Variants in SPTY2D1 observed in about 807,000 individuals in gnomAD.
SPTY2D1 encodes protein SPT2 homolog.
A neutral mutation model predicts 64.0 loss-of-function variants in SPTY2D1; 21 were observed. The observed-to-expected ratio is 0.33, with a 90% confidence interval of 0.23 to 0.47. The LOEUF is 0.47. Among genes scored for constraint, SPTY2D1 ranks in the 20% least tolerant of loss-of-function variants. SPTY2D1 has a pLI of 1.00. For synonymous variants in SPTY2D1, 287 were observed against 286.8 expected (o/e 1.00, Z -0.01); for missense variants, 724 against 837.2 (o/e 0.86, Z 1.67).
rs1390610653 is a variant in SPTY2D1 at position 18,607,836 on chromosome 11, G to A, written c.*2025C>T. ...GTTAAAACCTGATTCTTCCCACTAA[G>A]TTCTGGAAATTTATTCTAACATAAT... is the stretch of plus-strand genomic sequence containing the variant. On this transcript the variant is annotated 3_prime_UTR_variant, in exon 6 of 6. Coordinates refer to ENST00000336349, the MANE Select transcript of SPTY2D1 (RefSeq NM_194285.3). 1 of 152,110 alleles carries A rather than the reference G, an allele frequency of 6.6e-6. No individual in the cohort carries two copies. The highest frequency in any genetic ancestry group is 1.5e-5 in the Non-Finnish European group (1 of 68,036). 9.4% of individuals were successfully genotyped at this position (152,110 alleles called of 1,614,324 possible).
chr11:18,631,390 A>G (rs900787729), intron 1 of SPTY2D1, among the ~76,000 whole-genome samples: 1 of 151,926 alleles, frequency 6.6e-6, no homozygotes, highest in African/African-American at 2.4e-5. Context: ...CCCTATCTCT[A>G]CTAAAAATAC....
Position 18,606,758 on chromosome 11 carries a change from C to T in SPTY2D1, c.*3103G>A. On this transcript the variant is annotated 3_prime_UTR_variant, in exon 6 of 6. Coordinates refer to ENST00000336349, the MANE Select transcript of SPTY2D1 (RefSeq NM_194285.3). ...CATGTTTTGGTCTCCTGCTATATCT[C>T]AGAAATTTACCAATAGCTGCTTTTA... The T allele has an allele frequency of 2.6e-6, 1 of 390,322 alleles. No individual in the cohort carries two copies. The allele number at this position is 390,322 out of a possible 1,614,324, so 24.2% of individuals were successfully genotyped here.
chr11:18,614,768 A>G lies in SPTY2D1; in HGVS notation c.1506T>C (p.Ala502=). Residue 502 remains alanine (A), a synonymous_variant, in exon 3 of 6, where the codon GCT becomes GCC. Coordinates refer to ENST00000336349, the MANE Select transcript of SPTY2D1 (RefSeq NM_194285.3). ...GGACTGAATTACTGACAGTCCGTCC[A>G]GCTGGAATTGAGCCACTTATGGATC... ...PGRSISGSIP[A]GRTVSNSVPG... is the part of the protein sequence containing the mutation. 1 of 1,613,036 alleles carries G rather than the reference A, an allele frequency of 6.2e-7. No homozygotes were observed. Among genetic ancestry groups the G allele is most frequent in the African/African-American group, 1.3e-5 (1 of 75,066 alleles).
intron 4 of SPTY2D1, 124 bp from the exon 5 acceptor site, chr11:18,611,678 C>T: frequency 3.6e-6 from 3 of 827,074 alleles, no homozygotes; most frequent in Middle Eastern, 3.3e-4. Flanking sequence ...TAGAATTATT[C>T]CTTGCTTGGC....
At chr11:18,624,945 G>A (rs61628857) in intron 1 of SPTY2D1, among the ~76,000 whole-genome samples, 8,363 of 152,186 alleles carry the variant, frequency 0.055, 811 homozygotes, top group African/African-American at 0.19. Flanking sequence ...GTTGTGGTCC[G>A]CCAAGATCGC....
chr11:18,626,137 T>C (rs1223873180), intron 1 of SPTY2D1, among the ~76,000 whole-genome samples: 1 of 152,010 alleles, frequency 6.6e-6, no homozygotes, highest in Non-Finnish European at 1.5e-5. Context: ...TCATCTCTAG[T>C]TTTTAATTTA....
intron 1 of SPTY2D1, among the ~76,000 whole-genome samples, chr11:18,627,936 T>C (rs1365346909): frequency 2.6e-5 from 4 of 151,976 alleles, no homozygotes; most frequent in African/African-American, 9.7e-5. Flanking sequence ...TAGTCCCAGC[T>C]ACTCGGGAGT....
At chr11:18,619,700 T>C (rs954904581) in intron 1 of SPTY2D1, among the ~76,000 whole-genome samples, 2 of 151,994 alleles carry the variant, frequency 1.3e-5, no homozygotes, top group Non-Finnish European at 2.9e-5. Flanking sequence ...GAGGCTGCAG[T>C]GAGCCAAAAT....
At chr11:18,613,043 C>T (rs1388200309) in intron 3 of SPTY2D1, among the ~76,000 whole-genome samples, 3 of 152,094 alleles carry the variant, frequency 2.0e-5, no homozygotes, top group East Asian at 1.9e-4. Flanking sequence ...GGATTACAGG[C>T]GGCGCCACCG....
intron 1 of SPTY2D1, 23 bp downstream of exon 1, chr11:18,634,175 T>C (rs752688368): frequency 1.5e-5 from 24 of 1,613,874 alleles, no homozygotes; most frequent in East Asian, 1.3e-4. Context: ...GTCCCCTACA[T>C]TGATGCCCCA....
At chr11:18,621,781 C>T (rs1174848830) in intron 1 of SPTY2D1, among the ~76,000 whole-genome samples, 2 of 152,040 alleles carry the variant, frequency 1.3e-5, no homozygotes, top group Admixed American at 6.6e-5. Context: ...TTCTTATATC[C>T]TCTGTAGCTT....
chr11:18,613,683 A>G (rs1270284926), intron 3 of SPTY2D1, among the ~76,000 whole-genome samples: 1 of 152,222 alleles, frequency 6.6e-6, no homozygotes, highest in African/African-American at 2.4e-5. Flanking sequence ...GTTCCTTTTT[A>G]TATTCTCCGT....
intron 1 of SPTY2D1, among the ~76,000 whole-genome samples, chr11:18,627,258 CAA>C (rs1192277676): frequency 9.2e-4 from 45 of 48,704 alleles, no homozygotes; most frequent in Admixed American, 4.7e-3. Flanking sequence ...ACTAAAAATA[CAA>C]AAAAAAAAAA....
intron 1 of SPTY2D1, among the ~76,000 whole-genome samples, chr11:18,633,913 A>C (rs1035062992): frequency 1.3e-5 from 2 of 152,182 alleles, no homozygotes; most frequent in African/African-American, 4.8e-5. Context: ...GGCACAGCTC[A>C]CTCACGGCTT....
intron 1 of SPTY2D1, among the ~76,000 whole-genome samples, chr11:18,628,904 T>C (rs1356059731): frequency 6.6e-6 from 1 of 152,220 alleles, no homozygotes; most frequent in Admixed American, 6.5e-5. Flanking sequence ...ACCTATCATT[T>C]TTTATGCAGA....
intron 1 of SPTY2D1, among the ~76,000 whole-genome samples, chr11:18,628,705 C>T (rs1401488123): frequency 6.6e-6 from 1 of 152,154 alleles, no homozygotes; most frequent in Non-Finnish European, 1.5e-5. Flanking sequence ...ATCATATTGC[C>T]AGGACCTCGT....
intron 1 of SPTY2D1, among the ~76,000 whole-genome samples, chr11:18,624,094 C>A (rs1854459445): frequency 6.6e-6 from 1 of 151,758 alleles, no homozygotes; most frequent in South Asian, 2.1e-4. Context: ...CAGGCAAGAC[C>A]TTTCAAAAGG....
chr11:18,626,810 G>A (rs1480328142), intron 1 of SPTY2D1, among the ~76,000 whole-genome samples: 1 of 152,170 alleles, frequency 6.6e-6, no homozygotes, highest in African/African-American at 2.4e-5. Flanking sequence ...TAGTGATGGG[G>A]AAGGGAAATA....
At position 18,614,766 on chromosome 11, in the gene SPTY2D1, C is replaced by T. The variant is rs1363846871; in HGVS notation, c.1508G>A (p.Gly503Glu). The T allele has an allele frequency of 6.2e-7, 1 of 1,612,992 alleles. No homozygotes were observed. Reference protein sequence around the residue: ...GRSISGSIPAGRTVSNSVPGR... With the variant: ...GRSISGSIPAERTVSNSVPGR... ...TGGGACTGAATTACTGACAGTCCGT[C>T]CAGCTGGAATTGAGCCACTTATGGA... The change falls in exon 3 of 6, where the codon GGA becomes GAA. Residue 503 changes from glycine to glutamate, a missense_variant. By Grantham distance (98) the Gly-to-Glu change is moderately conservative. Transcript: ENST00000336349.
Sources: allele counts gnomAD v4.1 joint callset (sites outside exome capture counted in the v4.1 genomes callset), GRCh38; gene constraint gnomAD v4.1.1; transcripts MANE v1.5; gene names NCBI Gene and HGNC (gene_info 2026-07-23, HGNC 2026-07-21).